Variants in PRORP observed in about 807,000 individuals in gnomAD.
PRORP encodes the protein protein only RNase P catalytic subunit, also known as mitochondrial ribonuclease P catalytic subunit.
PRORP carries 51 observed loss-of-function variants against 59.4 expected under a neutral mutation model. That is an observed-to-expected ratio of 0.86 (90% confidence interval 0.69 to 1.08). The LOEUF (loss-of-function observed/expected upper bound fraction) is 1.08, where lower values mean the gene tolerates loss of function less well. Among genes scored for constraint, PRORP ranks in the 50% least tolerant of loss-of-function variants. The pLI is 0.00. For missense variants in PRORP, 646 were observed against 690.3 expected (o/e 0.94, Z 0.72); for synonymous variants, 231 against 245.6 (o/e 0.94, Z 0.55).
Position 35,205,259 on chromosome 14 carries a change from G to T in PRORP, c.1275+24482G>T, listed in dbSNP as rs180800149. On this transcript the variant is annotated intron_variant, in intron 5 of 7. Transcript: ENST00000534898. ...TACAGTGGCATGATCTCGGCCCTCTGCAACCTCCACCTCCCTGGTTCAAGC... is the reference window on the plus strand; with the variant it reads ...TACAGTGGCATGATCTCGGCCCTCTTCAACCTCCACCTCCCTGGTTCAAGC... Among the ~76,000 whole-genome samples the T allele has an allele frequency of 7.5e-4, 115 of 152,318 alleles. 1 individual carries two copies. In the Middle Eastern group the frequency reaches 0.01, roughly 14 times the overall value.
At chr14:35,127,120 G>A (rs544911175) in intron 3 of PRORP, among the ~76,000 whole-genome samples, 2 of 151,994 alleles carry the variant, frequency 1.3e-5, no homozygotes, top group African/African-American at 2.4e-5. Context: ...AGCTGGGCGC[G>A]GTGGCTCACG....
intron 4 of PRORP, among the ~76,000 whole-genome samples, chr14:35,142,941 G>A (rs957349344): frequency 8.3e-5 from 12 of 143,990 alleles, no homozygotes; most frequent in Admixed American, 2.2e-4. Context: ...TTGGCTTCCC[G>A]AAGTGCTGGG....
chr14:35,268,689 G>A (rs1345992835), intron 6 of PRORP, among the ~76,000 whole-genome samples: 4 of 152,084 alleles, frequency 2.6e-5, no homozygotes, highest in African/African-American at 4.8e-5. Context: ...TCCACCTCCC[G>A]GGTTCAAGCG....
At chr14:35,186,796 G>C (rs1225676356) in intron 5 of PRORP, among the ~76,000 whole-genome samples, 1 of 151,820 alleles carries the variant, frequency 6.6e-6, no homozygotes, top group Non-Finnish European at 1.5e-5. Context: ...TAGAAACAGG[G>C]TCTCACTGTG....
At chr14:35,228,993 G>T (rs2138483399) in intron 5 of PRORP, among the ~76,000 whole-genome samples, 1 of 152,200 alleles carries the variant, frequency 6.6e-6, no homozygotes, top group South Asian at 2.1e-4. Flanking sequence ...CATTCTGACT[G>T]GTATGAGATG....
rs186205805 is a variant in PRORP, at chr14:35,161,871, A to G, written c.1168-18799A>G. On this transcript the variant is annotated intron_variant, in intron 4 of 7. Transcript: ENST00000534898. The stretch of plus-strand genomic sequence containing the variant: ...TTTTCTATCTGGAATTTACAGGATA[A>G]TGTATTAATACTTGGAAATGATACC... Among the ~76,000 whole-genome samples, 390 of 152,268 alleles carry G rather than the reference A, an allele frequency of 2.6e-3. 2 individuals carry two copies. Among genetic ancestry groups the G allele is most frequent in the African/African-American group, 8.8e-3 (364 of 41,576 alleles).
At chr14:35,238,491 A>G (rs967048965) in intron 5 of PRORP, among the ~76,000 whole-genome samples, 1 of 152,202 alleles carries the variant, frequency 6.6e-6, no homozygotes, top group African/African-American at 2.4e-5. Flanking sequence ...AACAGCATTG[A>G]AAGACCAACC....
intron 5 of PRORP, among the ~76,000 whole-genome samples, chr14:35,259,712 G>A (rs894298880): frequency 6.6e-6 from 1 of 151,970 alleles, no homozygotes; most frequent in Admixed American, 6.6e-5. Context: ...CCAACATGGT[G>A]AAAATCGGGC....
intron 5 of PRORP, among the ~76,000 whole-genome samples, chr14:35,208,701 C>G (rs573629042): frequency 6.8e-6 from 1 of 147,728 alleles, no homozygotes; most frequent in East Asian, 2.0e-4. Context: ...GAAAACCCGT[C>G]TCTACTAAAA....
intron 5 of PRORP, among the ~76,000 whole-genome samples, chr14:35,197,976 T>C (rs1019504898): frequency 3.3e-5 from 5 of 152,190 alleles, no homozygotes; most frequent in Non-Finnish European, 5.9e-5. Flanking sequence ...GAGCAGGGGC[T>C]CATGCTTTTA....
intron 5 of PRORP, chr14:35,235,549 G>C: frequency 1.7e-6 from 1 of 571,774 alleles, no homozygotes; most frequent in South Asian, 1.6e-5. Flanking sequence ...AGGTGGTGAT[G>C]GTGTTAACTC....
At position 35,180,654 on chromosome 14, in the gene PRORP, G is replaced by T; in HGVS notation, c.1168-16G>T. 1 of 1,500,726 alleles carries T rather than the reference G, an allele frequency of 6.7e-7. No homozygotes were observed. The highest frequency in any genetic ancestry group is 1.1e-5 in the South Asian group (1 of 87,502). The allele number at this position is 1,500,726 out of a possible 1,614,324, so 93.0% of individuals were successfully genotyped here. On this transcript the variant is annotated splice_polypyrimidine_tract_variant and intron_variant, in intron 4 of 7. Coordinates refer to ENST00000534898, the MANE Select transcript of PRORP (RefSeq NM_014672.4). ...CTGAGTTCTTATTAATGTTTTGTCT[G>T]ACATTTCTTTATTAGGAACTTAAGA...
At chr14:35,173,738 T>C (rs2048375915) in intron 4 of PRORP, among the ~76,000 whole-genome samples, 2 of 152,088 alleles carry the variant, frequency 1.3e-5, no homozygotes, top group Non-Finnish European at 2.9e-5. Context: ...TTTTCCCAAA[T>C]ATAGTGGCTT....
chr14:35,149,897 T>A (rs2047701744), intron 4 of PRORP, among the ~76,000 whole-genome samples: 1 of 152,198 alleles, frequency 6.6e-6, no homozygotes, highest in African/African-American at 2.4e-5. Flanking sequence ...TCACCCAGGC[T>A]GGAGTGCAGC....
At chr14:35,263,685 C>A (rs28505171) in intron 5 of PRORP, among the ~76,000 whole-genome samples, 21,773 of 151,780 alleles carry the variant, frequency 0.14, 2,940 homozygotes, top group African/African-American at 0.34. Context: ...AAGACTCTGT[C>A]TCAAAAAAAA....
At chr14:35,152,558 C>A (rs1224732493) in intron 4 of PRORP, among the ~76,000 whole-genome samples, 2 of 142,826 alleles carry the variant, frequency 1.4e-5, no homozygotes, top group Non-Finnish European at 3.2e-5. Context: ...CGGGTGGAGG[C>A]GCCCCCCACC....
At chr14:35,147,304 C>T (rs573685864) in intron 4 of PRORP, among the ~76,000 whole-genome samples, 1 of 152,198 alleles carries the variant, frequency 6.6e-6, no homozygotes, top group Admixed American at 6.5e-5. Flanking sequence ...GCTGACTGAT[C>T]AAAGTGGTGG....
At chr14:35,155,131 T>G (rs2047881088) in intron 4 of PRORP, among the ~76,000 whole-genome samples, 1 of 152,094 alleles carries the variant, frequency 6.6e-6, no homozygotes, top group African/African-American at 2.4e-5. Context: ...TGGGCTCAAG[T>G]GATTTCCCAT....
intron 4 of PRORP, among the ~76,000 whole-genome samples, chr14:35,179,887 G>T (rs975823274): frequency 1.3e-5 from 2 of 152,154 alleles, no homozygotes; most frequent in Admixed American, 1.3e-4. Context: ...GGTCTTTGAT[G>T]ATGTTGACAG....
Sources: gnomAD v4.1 joint callset for allele counts (sites outside exome capture counted in the v4.1 genomes callset) on GRCh38, gnomAD v4.1.1 for gene constraint, MANE v1.5 for transcripts, NCBI Gene and HGNC (gene_info 2026-07-23, HGNC 2026-07-21) for gene names.